Variants in KAZN observed in about 807,000 individuals in gnomAD.
The protein encoded by KAZN is kazrin, periplakin interacting protein.
Under a neutral mutation model 87.4 loss-of-function variants are expected in KAZN, and 40 were observed. The ratio of observed to expected loss-of-function variants is 0.46; its 90% CI spans 0.36 to 0.60. KAZN has a LOEUF of 0.60. KAZN is among the 20% of genes least tolerant of loss of function. KAZN has a pLI of 0.00. For missense variants in KAZN, 898 were observed against 1,073.9 expected, an observed-to-expected ratio of 0.84 and a Z score of 2.29; for synonymous variants, 466 against 458.3, an observed-to-expected ratio of 1.02 and a Z score of -0.22.
chr1:14,201,774 T>C (rs987780502), intron 2 of KAZN, among the ~76,000 whole-genome samples: 3 of 152,198 alleles, frequency 2.0e-5, no homozygotes, highest in Non-Finnish European at 4.4e-5. Context: ...GTTGAGGTGA[T>C]TCTCCTGCCT....
At chr1:15,033,639 G>A (rs984814987) in intron 2 of KAZN, among the ~76,000 whole-genome samples, 11 of 152,164 alleles carry the variant, frequency 7.2e-5, no homozygotes, top group Non-Finnish European at 1.5e-4. Flanking sequence ...TTTCATTGTG[G>A]TTTTGATTTG....
chr1:13,966,130 C>T (rs536454911), intron 1 of KAZN, among the ~76,000 whole-genome samples: 1 of 152,076 alleles, frequency 6.6e-6, no homozygotes, highest in African/African-American at 2.4e-5. Context: ...TTCCTCAAGC[C>T]CTACCTATTT....
chr1:14,949,645 C>T lies in KAZN; in HGVS notation c.227-11039C>T, dbSNP rs1186507924. Among the ~76,000 whole-genome samples the T allele has an allele frequency of 1.3e-5, 2 of 152,186 alleles. No homozygotes were observed. The highest frequency in any genetic ancestry group is 4.8e-5 in the African/African-American group (2 of 41,424). ...AGGTGTTACCCAAACCTCCGGCAGA[C>T]CCCAGGGGGCTGCGTCCTGCAGTGC... On this transcript the variant is annotated intron_variant, in intron 1 of 14. Transcript: ENST00000376030. This position sits in a 1 kb window ranked among gnomAD's most constrained non-coding sequence, Gnocchi z 4.3.
At chr1:15,008,230 G>A (rs1277277638) in intron 2 of KAZN, among the ~76,000 whole-genome samples, 9 of 152,138 alleles carry the variant, frequency 5.9e-5, no homozygotes, top group Admixed American at 2.6e-4. Context: ...TCCAGGCCTC[G>A]GCTGTAAGTC....
chr1:14,750,195 A>G (rs1344889828), intron 1 of KAZN, among the ~76,000 whole-genome samples: 1 of 152,144 alleles, frequency 6.6e-6, no homozygotes, highest in Non-Finnish European at 1.5e-5. Context: ...TTTCATAATG[A>G]AAGTTTTTTT....
rs1387147851 is a variant in KAZN, at chr1:15,099,176, AG to A, written c.1548-2365del. Among the ~76,000 whole-genome samples, 1 of 152,152 alleles carries A rather than the reference AG, an allele frequency of 6.6e-6. No homozygotes were observed. Among genetic ancestry groups the A allele is most frequent in the Non-Finnish European group, 1.5e-5 (1 of 68,020 alleles). Reference sequence around the variant, plus strand: ...CCCAGTGGACCCAAGTGGTTCTGGGAGGCTGATGGGCAGAGGGAAGGAGAGT... The same window carrying A: ...CCCAGTGGACCCAAGTGGTTCTGGGAGCTGATGGGCAGAGGGAAGGAGAGT... On this transcript the variant is annotated intron_variant, in intron 10 of 14. Coordinates refer to ENST00000376030, the MANE Select transcript of KAZN (RefSeq NM_201628.3). The surrounding 1 kb of genome is among the most constrained non-coding windows in gnomAD (Gnocchi z 5.4).
At chr1:15,041,653 T>A (rs1479292376) in intron 3 of KAZN, among the ~76,000 whole-genome samples, 1 of 151,994 alleles carries the variant, frequency 6.6e-6, no homozygotes, top group Non-Finnish European at 1.5e-5. Context: ...CCCTCTTATG[T>A]CCATGTGATC....
intron 2 of KAZN, among the ~76,000 whole-genome samples, chr1:14,986,822 A>G (rs1008328612): frequency 1.3e-5 from 2 of 152,168 alleles, no homozygotes; most frequent in Admixed American, 6.5e-5. Flanking sequence ...TTGGACACCA[A>G]TCACTGTGCC....
intron 2 of KAZN, among the ~76,000 whole-genome samples, chr1:14,487,684 C>A (rs1206461218): frequency 1.3e-5 from 2 of 152,176 alleles, no homozygotes; most frequent in Non-Finnish European, 2.9e-5. Context: ...GCGGGAATAC[C>A]TTTCGGAGGC....
chr1:15,114,547 A>G lies in KAZN; in HGVS notation c.2240A>G (p.Asn747Ser). ...DFHDDYGSLQ[N>S]EDCGDDDPQS... ...CATGATGACTATGGCTCTCTTCAAA[A>G]CGAAGATTGCGGAGACGATGACCCC... The change falls in exon 15 of 15, where the codon AAC becomes AGC. Residue 747 changes from asparagine (N) to serine (S), a missense_variant. This residue lies in a region of KAZN where 127 missense variants were observed against 121.5 expected (regional missense o/e 1.04). Transcript: ENST00000376030. The G allele has an allele frequency of 6.2e-7, 1 of 1,610,650 alleles. No homozygotes were observed. The highest frequency in any genetic ancestry group is 8.5e-7 in the Non-Finnish European group (1 of 1,178,480).
chr1:14,013,221 A>T (rs552841854), intron 1 of KAZN, among the ~76,000 whole-genome samples: 1 of 152,292 alleles, frequency 6.6e-6, no homozygotes, highest in African/African-American at 2.4e-5. Context: ...GTTTCTCTAA[A>T]TGCCTCTTTC....
At chr1:13,914,494 T>A (rs1212184335) in intron 1 of KAZN, among the ~76,000 whole-genome samples, 1 of 152,228 alleles carries the variant, frequency 6.6e-6, no homozygotes, top group East Asian at 1.9e-4. Context: ...GTGCCTGTAA[T>A]GGGATGTCAC....
intron 1 of KAZN, among the ~76,000 whole-genome samples, chr1:14,729,112 G>A (rs989823661): frequency 3.3e-5 from 5 of 152,216 alleles, no homozygotes; most frequent in East Asian, 1.9e-4. Flanking sequence ...AATGTGCTCC[G>A]CAGCACATGG....
At chr1:14,460,037 C>A (rs1450615667) in intron 2 of KAZN, among the ~76,000 whole-genome samples, 4 of 152,174 alleles carry the variant, frequency 2.6e-5, no homozygotes, top group Admixed American at 6.5e-5. Context: ...TACCCACCAG[C>A]TCCAATCAAT....
At chr1:14,361,180 A>C (rs1659478659) in intron 2 of KAZN, among the ~76,000 whole-genome samples, 1 of 152,214 alleles carries the variant, frequency 6.6e-6, no homozygotes, top group Non-Finnish European at 1.5e-5. Flanking sequence ...AGCTTTGCCA[A>C]GCTGCGGTGT....
chr1:14,187,646 AG>A (rs1296803871), intron 2 of KAZN, among the ~76,000 whole-genome samples: 1 of 152,132 alleles, frequency 6.6e-6, no homozygotes, highest in African/African-American at 2.4e-5. Flanking sequence ...CCTGACTGGC[AG>A]GGGGTGAGTG....
At chr1:14,132,140 A>G (rs1409239132) in intron 1 of KAZN, among the ~76,000 whole-genome samples, 1 of 152,168 alleles carries the variant, frequency 6.6e-6, no homozygotes, top group Non-Finnish European at 1.5e-5. Flanking sequence ...GTCCCTCAGA[A>G]ATTGTGTAGA....
chr1:14,706,929 G>GAAAAA (rs1373318771), intron 1 of KAZN, among the ~76,000 whole-genome samples: 1 of 152,206 alleles, frequency 6.6e-6, no homozygotes, highest in Non-Finnish European at 1.5e-5. Context: ...AATTTGGGCT[G>GAAAAA]AATCGTCTGT....
intron 1 of KAZN, among the ~76,000 whole-genome samples, chr1:14,799,905 T>C (rs1557502301): frequency 6.6e-6 from 1 of 152,212 alleles, no homozygotes; most frequent in African/African-American, 2.4e-5. Flanking sequence ...TTCATGTTTT[T>C]CTAATGAAAC....
Sources: gnomAD v4.1 joint callset for allele counts (sites outside exome capture counted in the v4.1 genomes callset) on GRCh38, gnomAD v4.1.1 for gene constraint, gnomAD v4.1.1 regional missense constraint, Gnocchi (gnomAD v3.1) non-coding constraint, MANE v1.5 for transcripts, NCBI Gene and HGNC (gene_info 2026-07-23, HGNC 2026-07-21) for gene names.